PCDH15: variants seen among roughly 807,000 people sequenced by gnomAD.
The protein encoded by PCDH15 is protocadherin related 15, also known as protocadherin-15.
PCDH15 carries 129 observed loss-of-function variants against 178.5 expected under a neutral mutation model. The ratio of observed to expected loss-of-function variants is 0.72; its 90% CI spans 0.63 to 0.84. The LOEUF (loss-of-function observed/expected upper bound fraction) is 0.84, where lower values mean the gene tolerates loss of function less well. PCDH15 is among the 40% of genes least tolerant of loss of function. PCDH15 has a pLI of 0.00. For missense variants in PCDH15, 2,230 were observed against 2,099.9 expected, an observed-to-expected ratio of 1.06 and a Z score of -1.21; for synonymous variants, 800 against 732.0, an observed-to-expected ratio of 1.09 and a Z score of -1.50.
chr10:55,074,567 G>A (rs1007623391), intron 2 of PCDH15, among the ~76,000 whole-genome samples: 4 of 151,866 alleles, frequency 2.6e-5, no homozygotes, highest in Non-Finnish European at 5.9e-5. Flanking sequence ...GTTGTTTATG[G>A]GGGTTTTTTT....
At chr10:54,203,662 C>A (rs139471654) in intron 10 of PCDH15, among the ~76,000 whole-genome samples, 4 of 152,246 alleles carry the variant, frequency 2.6e-5, no homozygotes, top group African/African-American at 9.6e-5. Flanking sequence ...TCAAAATTTT[C>A]TTCTTCCTGT....
chr10:54,743,200 A>C (rs1297326865), intron 1 of PCDH15, among the ~76,000 whole-genome samples: 1 of 152,076 alleles, frequency 6.6e-6, no homozygotes, highest in African/African-American at 2.4e-5. Context: ...TGGAACATCA[A>C]GTAAATTATT....
In PCDH15 at chr10:53,822,180, G is replaced by A. The variant is rs544096840; in HGVS notation, c.4368-1950C>T. On this transcript the variant is annotated intron_variant, in intron 32 of 37. Transcript: ENST00000644397. ...TTTCTCGGCAGGCATCAAGTTGGTCGTGCATTTAACACCTGTTATACAGAC... is the reference window on the plus strand; with the variant it reads ...TTTCTCGGCAGGCATCAAGTTGGTCATGCATTTAACACCTGTTATACAGAC... 22 of 1,613,998 alleles carry A rather than the reference G, an allele frequency of 1.4e-5. No individual in the cohort carries two copies. The highest frequency in any genetic ancestry group is 1.1e-4 in the East Asian group (5 of 44,864).
At chr10:54,238,562 C>A (rs1274995752) in intron 8 of PCDH15, among the ~76,000 whole-genome samples, 2 of 151,740 alleles carry the variant, frequency 1.3e-5, no homozygotes, top group East Asian at 3.9e-4. Context: ...GAATCAGAAC[C>A]ACGAAAATAC....
At chr10:53,901,970 G>A (rs1589330962) in intron 26 of PCDH15, among the ~76,000 whole-genome samples, 1 of 152,118 alleles carries the variant, frequency 6.6e-6, no homozygotes, top group Admixed American at 6.6e-5. Context: ...TTACTCGGGT[G>A]GAAACTTTGT....
At chr10:54,823,497 A>G (rs1953081200) in intron 3 of PCDH15, among the ~76,000 whole-genome samples, 1 of 152,152 alleles carries the variant, frequency 6.6e-6, no homozygotes, top group South Asian at 2.1e-4. Flanking sequence ...ACTCCACACT[A>G]CAACCCTGTG....
intron 1 of PCDH15, among the ~76,000 whole-genome samples, chr10:55,256,443 A>C (rs1265911200): frequency 3.9e-5 from 6 of 152,196 alleles, no homozygotes; most frequent in Non-Finnish European, 7.4e-5. Context: ...TCACCCGGGA[A>C]GTACAAGGGG....
intron 8 of PCDH15, among the ~76,000 whole-genome samples, chr10:54,298,832 A>T (rs141695415): frequency 2.5e-4 from 38 of 152,342 alleles, no homozygotes; most frequent in African/African-American, 8.9e-4. Flanking sequence ...TTACCATCCA[A>T]GGAATCCTGG....
At chr10:54,188,735 T>C (rs963768618) in intron 11 of PCDH15, among the ~76,000 whole-genome samples, 13 of 151,918 alleles carry the variant, frequency 8.6e-5, no homozygotes, top group African/African-American at 2.9e-4. Context: ...GATGAGAGTC[T>C]ACTGTTTAAA....
chr10:54,338,341 C>A (rs1375186943), intron 6 of PCDH15, among the ~76,000 whole-genome samples: 1 of 152,070 alleles, frequency 6.6e-6, no homozygotes. Flanking sequence ...TTTTTAGTAA[C>A]CTACCTAGGA....
At chr10:54,026,852 T>C (rs1311136396) in intron 18 of PCDH15, among the ~76,000 whole-genome samples, 1 of 152,024 alleles carries the variant, frequency 6.6e-6, no homozygotes, top group Admixed American at 6.6e-5. Context: ...GGGCAAAAAC[T>C]GGAAGCATTC....
At chr10:55,609,538 C>A (rs1843316200) in intron 2 of PCDH15, among the ~76,000 whole-genome samples, 1 of 151,890 alleles carries the variant, frequency 6.6e-6, no homozygotes, top group Non-Finnish European at 1.5e-5. Context: ...CCCTGTGTAC[C>A]TAACTATTGG....
intron 2 of PCDH15, among the ~76,000 whole-genome samples, chr10:54,640,132 G>A (rs1404170852): frequency 1.3e-5 from 2 of 151,944 alleles, no homozygotes; most frequent in African/African-American, 4.8e-5. Flanking sequence ...AACAAAATGA[G>A]AAAATTGAGA....
In PCDH15 at chr10:54,521,737, G is replaced by T. The variant is rs549631800; in HGVS notation, c.157+6075C>A. ...TGTTAAATGAGGCAGTGATACCACT[G>T]AGCCAAATTGAATGACTTAATGCAT... is the stretch of plus-strand genomic sequence containing the variant. On this transcript the variant is annotated intron_variant, in intron 3 of 37. Transcript: ENST00000644397. Among the ~76,000 whole-genome samples, 20 of 152,200 alleles carry T rather than the reference G, an allele frequency of 1.3e-4. 1 individual carries two copies. The South Asian group carries it at 3.1e-3, about 24-fold the overall frequency.
intron 2 of PCDH15, among the ~76,000 whole-genome samples, chr10:55,554,577 G>C (rs148921491): frequency 1.5e-3 from 221 of 152,082 alleles, no homozygotes; most frequent in African/African-American, 5.0e-3. Context: ...AACACGGATC[G>C]AAAATACAGC....
rs144522436 is a variant in PCDH15, at chr10:54,603,183, AG to A, written c.91+60988del. Among the ~76,000 whole-genome samples, 1,453 of 152,050 alleles carry A rather than the reference AG, an allele frequency of 9.6e-3. 23 individuals carry two copies. The highest frequency in any genetic ancestry group is 0.034 in the African/African-American group (1,396 of 41,514). ...TTGTTGGTGTATATTTATTCATAAC[AG>A]TCCCTTAAGGGCTCTTTTTATTTCT... is the stretch of plus-strand genomic sequence containing the variant. On this transcript the variant is annotated intron_variant, in intron 2 of 37. Coordinates refer to ENST00000644397, the MANE Select transcript of PCDH15 (RefSeq NM_001384140.1).
rs141065581 is a variant in PCDH15, at chr10:55,553,072, A to G, written c.-156+74553T>C. On this transcript the variant is annotated intron_variant, in intron 2 of 5. Coordinates refer to the PCDH15 transcript ENST00000613346. ...ATGAAAGTTTTTATAAGTTTTAATT[A>G]TATAAATATCTCTCAATTTTTCTTA... Among the ~76,000 whole-genome samples, 93 of 151,862 alleles carry G rather than the reference A, an allele frequency of 6.1e-4. No homozygotes were observed. The East Asian group carries it at 0.015, about 25-fold the overall frequency.
At chr10:54,625,900 T>C (rs181801106) in intron 2 of PCDH15, among the ~76,000 whole-genome samples, 1 of 152,266 alleles carries the variant, frequency 6.6e-6, no homozygotes, top group East Asian at 1.9e-4. Context: ...TAGAGACTTG[T>C]TGAATAGCTT....
At chr10:54,155,446 A>G (rs542860975) in intron 13 of PCDH15, among the ~76,000 whole-genome samples, 12 of 152,264 alleles carry the variant, frequency 7.9e-5, no homozygotes, top group African/African-American at 2.6e-4. Flanking sequence ...AGTACACAAA[A>G]TAAGGATTCT....
Sources: allele counts gnomAD v4.1 joint callset (sites outside exome capture counted in the v4.1 genomes callset), GRCh38; gene constraint gnomAD v4.1.1; transcripts MANE v1.5; gene names NCBI Gene and HGNC (gene_info 2026-07-23, HGNC 2026-07-21).